The following NPEPPS variants were observed in gnomAD, a reference collection of about 807,000 sequenced individuals.
The protein encoded by NPEPPS is puromycin-sensitive aminopeptidase.
In NPEPPS, 14 loss-of-function variants were observed where a neutral mutation model predicts 115.5. The ratio of observed to expected loss-of-function variants is 0.12; its 90% CI spans 0.08 to 0.19. The LOEUF is 0.19. Among genes scored for constraint, NPEPPS ranks in the 10% least tolerant of loss-of-function variants. The probability of loss-of-function intolerance (pLI) is 1.00; values close to 1 mark genes in which losing one functional copy is unlikely to be tolerated. For missense variants in NPEPPS, 523 were observed against 1,110.8 expected (o/e 0.47, Z 7.52); for synonymous variants, 285 against 390.6 (o/e 0.73, Z 3.19).
intron 13 of NPEPPS, among the ~76,000 whole-genome samples, chr17:47,599,094 T>A (rs750008899): frequency 1.3e-5 from 2 of 152,234 alleles, no homozygotes; most frequent in Admixed American, 6.5e-5. Flanking sequence ...TTGATTATGA[T>A]CTGTTTCTCA....
rs1163602996 is a variant in NPEPPS at position 47,566,830 on chromosome 17, T to C, written c.341-2587T>C. On this transcript the variant is annotated intron_variant, in intron 2 of 22. Coordinates refer to ENST00000322157, the MANE Select transcript of NPEPPS (RefSeq NM_006310.4). ...TGGCTCAGCCCTGTAATCCCAGCAC[T>C]TCGGGAGGCTGAGGTGGGTAGATTG... 3.3e-5 allele frequency among the ~76,000 whole-genome samples: 5 copies of C among 152,224 alleles called. No individual in the cohort carries two copies. In the East Asian group the frequency reaches 9.7e-4, roughly 30 times the overall value.
At chr17:47,554,303 G>T (rs1349669797) in intron 2 of NPEPPS, among the ~76,000 whole-genome samples, 1 of 152,086 alleles carries the variant, frequency 6.6e-6, no homozygotes, top group Non-Finnish European at 1.5e-5. Flanking sequence ...GCCTCGTAAA[G>T]TGTTGGGATT....
intron 5 of NPEPPS, among the ~76,000 whole-genome samples, chr17:47,583,323 A>G (rs979002584): frequency 1.3e-5 from 2 of 152,018 alleles, no homozygotes; most frequent in African/African-American, 2.4e-5. Flanking sequence ...GGTGGCTTAC[A>G]CCTGTCATCC....
At chr17:47,600,369 G>A (rs1597878608) in intron 14 of NPEPPS, among the ~76,000 whole-genome samples, 1 of 152,182 alleles carries the variant, frequency 6.6e-6, no homozygotes, top group Admixed American at 6.5e-5. Flanking sequence ...CCATGAGATC[G>A]AGGCTGCAGT....
chr17:47,535,160 G>C (rs912205254), intron 1 of NPEPPS, among the ~76,000 whole-genome samples: 1 of 145,076 alleles, frequency 6.9e-6, no homozygotes, highest in Admixed American at 7.1e-5. Flanking sequence ...GGAGAATGGC[G>C]TGAATCTGGG....
intron 17 of NPEPPS, among the ~76,000 whole-genome samples, chr17:47,610,464 A>G (rs980900440): frequency 1.3e-5 from 2 of 151,446 alleles, no homozygotes; most frequent in African/African-American, 4.9e-5. Context: ...GCTCACTGCA[A>G]CCTCCGCCTC....
intron 19 of NPEPPS, among the ~76,000 whole-genome samples, chr17:47,617,124 A>G (rs1597898066): frequency 1.3e-5 from 2 of 152,192 alleles, no homozygotes; most frequent in South Asian, 2.1e-4. Context: ...AAACTTACCT[A>G]TAGTTTAGAA....
chr17:47,584,507 A>G (rs181467591), intron 5 of NPEPPS, among the ~76,000 whole-genome samples: 2 of 152,194 alleles, frequency 1.3e-5, no homozygotes, highest in Non-Finnish European at 2.9e-5. Flanking sequence ...GGGGGAGAGC[A>G]TCCCATAAAT....
At chr17:47,615,831 G>GT (rs1914167360) in intron 19 of NPEPPS, among the ~76,000 whole-genome samples, 1 of 152,128 alleles carries the variant, frequency 6.6e-6, no homozygotes, top group Admixed American at 6.5e-5. Flanking sequence ...TTTAACACAA[G>GT]AGAGTTCACG....
rs753076891 is a variant in NPEPPS, at chr17:47,602,637, CAAAAAA to C, written c.1740+904_1740+909del. ...TGGGTGACAGGGTGAGACGCCATCT[CAAAAAA>C]AAAAAAAAAAAAAGCCATTTTTTCT... On this transcript the variant is annotated intron_variant, in intron 15 of 22. Coordinates refer to ENST00000322157, the MANE Select transcript of NPEPPS (RefSeq NM_006310.4). 9.6e-5 allele frequency among the ~76,000 whole-genome samples: 5 copies of C among 51,982 alleles called. No homozygotes were observed. In the South Asian group the frequency reaches 3.1e-3, roughly 33 times the overall value. 34.1% of individuals were successfully genotyped at this position (51,982 alleles called of 152,430 possible). A position where few individuals can be genotyped will look rare whatever the true frequency, so the allele number is the denominator to read the frequency against.
chr17:47,586,930 C>G, intron 8 of NPEPPS: 1 of 401,184 alleles, frequency 2.5e-6, no homozygotes, highest in Non-Finnish European at 4.7e-6. Flanking sequence ...ACTTTCTTCT[C>G]TCTCCATCTA....
intron 2 of NPEPPS, among the ~76,000 whole-genome samples, chr17:47,549,791 A>G (rs2143728380): frequency 6.6e-6 from 1 of 150,810 alleles, no homozygotes; most frequent in Non-Finnish European, 1.5e-5. Context: ...AAAAAAAAAA[A>G]AAAAAAAAAA....
intron 3 of NPEPPS, among the ~76,000 whole-genome samples, chr17:47,575,716 T>C (rs1166549459): frequency 1.3e-5 from 2 of 151,636 alleles, no homozygotes; most frequent in Non-Finnish European, 2.9e-5. Context: ...GCCATTCTCC[T>C]GTCTCAGCCT....
chr17:47,595,981 CAAAAAAAA>C (rs34457526), intron 12 of NPEPPS: 7 of 38,646 alleles, frequency 1.8e-4, no homozygotes, highest in African/African-American at 4.0e-4. Context: ...GACTCCATCT[CAAAAAAAA>C]AAAAAAAAAA....
At chr17:47,531,937 G>A (rs1007356933) in intron 1 of NPEPPS, among the ~76,000 whole-genome samples, 2 of 152,168 alleles carry the variant, frequency 1.3e-5, no homozygotes, top group African/African-American at 2.4e-5. Flanking sequence ...GGGGGAGGAC[G>A]GAGAGGTCAT....
At chr17:47,523,104 G>A in intron 1 of NPEPPS, 3 of 724,636 alleles carry the variant, frequency 4.1e-6, no homozygotes, top group Non-Finnish European at 7.3e-6. Context: ...TAATTTGTAT[G>A]CTTGAAATTG....
intron 15 of NPEPPS, among the ~76,000 whole-genome samples, chr17:47,602,483 A>G (rs1404095963): frequency 6.6e-6 from 1 of 151,952 alleles, no homozygotes; most frequent in Non-Finnish European, 1.5e-5. Context: ...AGATACGAAA[A>G]AAAAATTAGC....
At chr17:47,589,247 T>G (rs1183513715) in intron 9 of NPEPPS, among the ~76,000 whole-genome samples, 20 of 152,072 alleles carry the variant, frequency 1.3e-4, no homozygotes, top group East Asian at 1.9e-4. Flanking sequence ...ACACCTGGCC[T>G]TTTCTGGGGG....
At chr17:47,592,427 A>G (rs976564076) in intron 11 of NPEPPS, 58 bp from the exon 12 acceptor site, 17 of 1,519,094 alleles carry the variant, frequency 1.1e-5, no homozygotes, top group African/African-American at 2.8e-5. Context: ...TGATATACAA[A>G]TATACTATAA....
Sources: gnomAD v4.1 joint callset for allele counts (sites outside exome capture counted in the v4.1 genomes callset) on GRCh38, gnomAD v4.1.1 for gene constraint, MANE v1.5 for transcripts, NCBI Gene and HGNC (gene_info 2026-07-23, HGNC 2026-07-21) for gene names.